LAMP1: variants seen among roughly 807,000 people sequenced by gnomAD.
LAMP1 encodes the protein lysosome-associated membrane glycoprotein 1.
A neutral mutation model predicts 37.5 loss-of-function variants in LAMP1; 7 were observed. The ratio of observed to expected loss-of-function variants is 0.19; its 90% CI spans 0.11 to 0.35. LAMP1 has a LOEUF of 0.35. LAMP1 is among the 10% of genes least tolerant of loss of function. LAMP1 has a pLI of 1.00. For missense variants in LAMP1, 537 were observed against 552.8 expected, an observed-to-expected ratio of 0.97 and a Z score of 0.29; for synonymous variants, 236 against 229.1, an observed-to-expected ratio of 1.03 and a Z score of -0.27.
At position 113,321,517 on chromosome 13, in the gene LAMP1, A is replaced by G. The variant is rs781491837; in HGVS notation, c.944-40A>G. ...GAGCCCCGCCCCCGCCCGCGCGCCCAGGGTATTCTGGAGCCACTAGACCTC... is the reference window on the plus strand; with the variant it reads ...GAGCCCCGCCCCCGCCCGCGCGCCCGGGGTATTCTGGAGCCACTAGACCTC... On this transcript the variant is annotated intron_variant, in intron 7 of 8. Coordinates refer to ENST00000332556, the MANE Select transcript of LAMP1 (RefSeq NM_005561.4). The surrounding 1 kb of genome is among the most constrained non-coding windows in gnomAD (Gnocchi z 5.6). 4 of 1,594,360 alleles carry G rather than the reference A, an allele frequency of 2.5e-6. No individual in the cohort carries two copies. In the Admixed American group the frequency reaches 5.1e-5, roughly 20 times the overall value.
Position 113,310,836 on chromosome 13 carries a change from G to T in LAMP1, c.531G>T (p.Ala177=). 1 of 1,613,776 alleles carries T rather than the reference G, an allele frequency of 6.2e-7. No homozygotes were observed. Among genetic ancestry groups the T allele is most frequent in the Non-Finnish European group, 8.5e-7 (1 of 1,179,956 alleles). Residue 177 remains alanine (A), a synonymous_variant, in exon 4 of 9, where the codon GCG becomes GCT. Transcript: ENST00000332556. ...TVTLHDATIQ[A]YLSNSSFSRG... ...CGCTCCATGATGCCACCATCCAGGC[G>T]TACCTTTCCAACAGCAGCTTCAGCC...
At chr13:113,308,490 A>G (rs181956610) in intron 2 of LAMP1, among the ~76,000 whole-genome samples, 19 of 150,972 alleles carry the variant, frequency 1.3e-4, no homozygotes, top group African/African-American at 4.1e-4. Flanking sequence ...GCGCCCAGCT[A>G]ATTTTTGTAT....
chr13:113,322,255 C>T (rs774718458), intron 8 of LAMP1, 27 bp from the exon 9 acceptor site: 6 of 1,598,648 alleles, frequency 3.8e-6, no homozygotes, highest in Admixed American at 1.7e-5. Flanking sequence ...TGAGCAGAGC[C>T]CTGACACCAT....
intron 1 of LAMP1, among the ~76,000 whole-genome samples, chr13:113,302,513 T>C (rs1170539818): frequency 2.6e-5 from 4 of 152,224 alleles, no homozygotes; most frequent in Non-Finnish European, 5.9e-5. Flanking sequence ...AAAATGAAGT[T>C]TTTTACTCAT....
chr13:113,311,994 T>C (rs929485622), intron 4 of LAMP1, among the ~76,000 whole-genome samples: 3 of 152,208 alleles, frequency 2.0e-5, no homozygotes, highest in African/African-American at 7.2e-5. Flanking sequence ...TAGGGTGGGC[T>C]TTCCTGGCTG....
chr13:113,297,538 G>A lies in LAMP1; in HGVS notation c.61+43G>A. ...GGGCCTGGGAGCGGCGGGACCGGGC[G>A]GAGCCGAGGTCCCTGGGTCTTGAGG... On this transcript the variant is annotated intron_variant, in intron 1 of 8. Coordinates refer to ENST00000332556, the MANE Select transcript of LAMP1 (RefSeq NM_005561.4). This position sits in a 1 kb window ranked among gnomAD's most constrained non-coding sequence, Gnocchi z 4.4. The A allele has an allele frequency of 8.2e-7, 1 of 1,225,584 alleles. No homozygotes were observed. Among genetic ancestry groups the A allele is most frequent in the Non-Finnish European group, 1.0e-6 (1 of 982,064 alleles). The allele number at this position is 1,225,584 out of a possible 1,614,324, so 75.9% of individuals were successfully genotyped here.
At chr13:113,317,010 A>C (rs1377739268) in intron 4 of LAMP1, among the ~76,000 whole-genome samples, 1 of 152,170 alleles carries the variant, frequency 6.6e-6, no homozygotes, top group Non-Finnish European at 1.5e-5. Flanking sequence ...AGGCTGTGGG[A>C]GCTATGAGTC....
chr13:113,320,500 C>T lies in LAMP1; in HGVS notation c.876+30C>T, dbSNP rs754693411. 14 of 1,597,482 alleles carry T rather than the reference C, an allele frequency of 8.8e-6. No individual in the cohort carries two copies. The highest frequency in any genetic ancestry group is 5.3e-5 in the African/African-American group (4 of 74,804). ...GGCTGGGGCGGCACCTCTCTGGGGG[C>T]GCCCACTGTGTCTCCACCACATCTT... On this transcript the variant is annotated intron_variant, in intron 6 of 8. Coordinates refer to ENST00000332556, the MANE Select transcript of LAMP1 (RefSeq NM_005561.4). This position sits in a 1 kb window ranked among gnomAD's most constrained non-coding sequence, Gnocchi z 4.4.
At chr13:113,311,065 T>C (rs2042628693) in intron 4 of LAMP1, among the ~76,000 whole-genome samples, 198 bp downstream of exon 4, 1 of 152,022 alleles carries the variant, frequency 6.6e-6, no homozygotes, top group African/African-American at 2.4e-5. Flanking sequence ...TAGACACATG[T>C]TGATTAAAAA....
chr13:113,317,100 A>G (rs2042669666), intron 4 of LAMP1, among the ~76,000 whole-genome samples: 1 of 152,192 alleles, frequency 6.6e-6, no homozygotes, highest in South Asian at 2.1e-4. Context: ...TGATGTGAGT[A>G]TCTGCTGTTG....
At chr13:113,298,983 T>C (rs1358245112) in intron 1 of LAMP1, among the ~76,000 whole-genome samples, 3 of 152,066 alleles carry the variant, frequency 2.0e-5, no homozygotes, top group African/African-American at 7.2e-5. Flanking sequence ...TCTACAAAAA[T>C]ACAAAAATTA....
In LAMP1 at chr13:113,297,573, TGCCG is replaced by T; in HGVS notation, c.61+80_61+83del. The T allele has an allele frequency of 8.5e-7, 1 of 1,181,740 alleles. No homozygotes were observed. Among genetic ancestry groups the T allele is most frequent in the Non-Finnish European group, 1.1e-6 (1 of 950,874 alleles). 73.2% of individuals were successfully genotyped at this position (1,181,740 alleles called of 1,614,324 possible). A position where few individuals can be genotyped will look rare whatever the true frequency, so the allele number is the denominator to read the frequency against. On this transcript the variant is annotated intron_variant, in intron 1 of 8. Coordinates refer to ENST00000332556, the MANE Select transcript of LAMP1 (RefSeq NM_005561.4). The surrounding 1 kb of genome is among the most constrained non-coding windows in gnomAD (Gnocchi z 4.4). ...TCCCTGGGTCTTGAGGGCGGGGGAC[TGCCG>T]GGTCGTTGTCCCGCGGGTCGCCCCG...
intron 4 of LAMP1, among the ~76,000 whole-genome samples, chr13:113,313,932 C>A (rs1196459798): frequency 1.7e-4 from 18 of 103,570 alleles, no homozygotes; most frequent in South Asian, 3.1e-4. Flanking sequence ...GGCGTGGCCT[C>A]CTAGAGGGAG....
chr13:113,322,257 T>G (rs1304343658), intron 8 of LAMP1, 25 bp from the exon 9 acceptor site: 1 of 1,600,534 alleles, frequency 6.2e-7, no homozygotes. Flanking sequence ...AGCAGAGCCC[T>G]GACACCATCC....
In LAMP1 at chr13:113,297,627, G is replaced by A. The variant is rs1015581029; in HGVS notation, c.61+132G>A. 4.2e-5 allele frequency: 36 copies of A among 852,632 alleles called. No homozygotes were observed. The African/African-American group carries it at 6.3e-4, about 15-fold the overall frequency. 52.8% of individuals were successfully genotyped at this position (852,632 alleles called of 1,614,324 possible). A position where few individuals can be genotyped will look rare whatever the true frequency, so the allele number is the denominator to read the frequency against. On this transcript the variant is annotated intron_variant, in intron 1 of 8. Coordinates refer to ENST00000332556, the MANE Select transcript of LAMP1 (RefSeq NM_005561.4). This position sits in a 1 kb window ranked among gnomAD's most constrained non-coding sequence, Gnocchi z 4.4. Reference sequence around the variant, plus strand: ...GCACCCACTGCTCCTGGTCCCGGCCGGCTCTGCCCGCGGGCGGGTGTTTCT... The same window carrying A: ...GCACCCACTGCTCCTGGTCCCGGCCAGCTCTGCCCGCGGGCGGGTGTTTCT...
intron 1 of LAMP1, among the ~76,000 whole-genome samples, chr13:113,299,328 A>T (rs1401564749): frequency 6.8e-6 from 1 of 147,192 alleles, no homozygotes; most frequent in African/African-American, 2.5e-5. Context: ...GCAGTGGCAC[A>T]ACCTCGGCTC....
rs1271428752 is a variant in LAMP1 at position 113,321,211 on chromosome 13, A to T, written c.877-193A>T. 1.7e-6 allele frequency: 1 copy of T among 595,130 alleles called. No individual in the cohort carries two copies. Among genetic ancestry groups the T allele is most frequent in the Non-Finnish European group, 3.0e-6 (1 of 335,332 alleles). 36.9% of individuals were successfully genotyped at this position (595,130 alleles called of 1,614,324 possible). A position where few individuals can be genotyped will look rare whatever the true frequency, so the allele number is the denominator to read the frequency against. ...CTGGAAGGAACTAACCAAAATTTTC[A>T]TTCCCCAGAGATACACAACGCCTTT... On this transcript the variant is annotated intron_variant, in intron 6 of 8. Coordinates refer to ENST00000332556, the MANE Select transcript of LAMP1 (RefSeq NM_005561.4). This position sits in a 1 kb window ranked among gnomAD's most constrained non-coding sequence, Gnocchi z 5.6.
At chr13:113,304,857 A>G (rs961827073) in intron 1 of LAMP1, 2 of 152,214 alleles carry the variant, frequency 1.3e-5, no homozygotes, top group African/African-American at 4.8e-5. Flanking sequence ...AGGTTTCACC[A>G]TGTTGGGTAG....
At chr13:113,299,975 T>C (rs1353441888) in intron 1 of LAMP1, among the ~76,000 whole-genome samples, 5 of 152,192 alleles carry the variant, frequency 3.3e-5, no homozygotes, top group Non-Finnish European at 5.9e-5. Flanking sequence ...AAAAAGAAAC[T>C]GCTCAATTAC....
Sources: allele counts gnomAD v4.1 joint callset (sites outside exome capture counted in the v4.1 genomes callset), GRCh38; gene constraint gnomAD v4.1.1; non-coding constraint Gnocchi (gnomAD v3.1); transcripts MANE v1.5; gene names NCBI Gene and HGNC (gene_info 2026-07-23, HGNC 2026-07-21).